Variants in MYO1D observed in about 807,000 individuals in gnomAD.
MYO1D encodes the protein unconventional myosin-Id.
Under a neutral mutation model 122.0 loss-of-function variants are expected in MYO1D, and 83 were observed. The observed-to-expected ratio is 0.68, with a 90% CI of 0.57 to 0.82. The LOEUF (loss-of-function observed/expected upper bound fraction) is 0.82, where lower values mean the gene tolerates loss of function less well. Among genes scored for constraint, MYO1D ranks in the 40% least tolerant of loss-of-function variants. MYO1D has a pLI of 0.00. For missense variants in MYO1D, 1,157 were observed against 1,269.5 expected (o/e 0.91, Z 1.35); for synonymous variants, 464 against 446.9 (o/e 1.04, Z -0.48).
In MYO1D at chr17:32,854,873, G is replaced by C. The variant is rs1016007695; in HGVS notation, c.95+21905C>G. Reference sequence around the variant, plus strand: ...GTTTCCTGGAATGAGGGAACTGGATGAATCTGCACGCTTTAACTGTGGTCC... The same window carrying C: ...GTTTCCTGGAATGAGGGAACTGGATCAATCTGCACGCTTTAACTGTGGTCC... On this transcript the variant is annotated intron_variant, in intron 1 of 21. Coordinates refer to ENST00000318217, the MANE Select transcript of MYO1D (RefSeq NM_015194.3). Among the ~76,000 whole-genome samples the C allele has an allele frequency of 6.6e-5, 10 of 152,220 alleles. 1 individual carries two copies. The highest frequency in any genetic ancestry group is 1.3e-4 in the Non-Finnish European group (9 of 68,034).
chr17:32,557,103 C>T (rs563075044), intron 21 of MYO1D, among the ~76,000 whole-genome samples: 4 of 149,674 alleles, frequency 2.7e-5, no homozygotes, highest in South Asian at 2.2e-4. Context: ...GCCTTTCACT[C>T]GGCAGGCTTA....
chr17:32,723,038 C>CA (rs775075853), intron 14 of MYO1D, among the ~76,000 whole-genome samples: 16 of 151,772 alleles, frequency 1.1e-4, no homozygotes, highest in East Asian at 1.9e-4. Flanking sequence ...GCTGATAAAA[C>CA]AAAAAAAACA....
At chr17:32,603,406 C>T (rs760922792) in intron 21 of MYO1D, among the ~76,000 whole-genome samples, 1 of 151,924 alleles carries the variant, frequency 6.6e-6, no homozygotes, top group Non-Finnish European at 1.5e-5. Context: ...AATTAAAATT[C>T]CTTTAATTTT....
intron 15 of MYO1D, among the ~76,000 whole-genome samples, chr17:32,713,679 G>C (rs556226520): frequency 2.6e-5 from 4 of 152,204 alleles, no homozygotes; most frequent in African/African-American, 9.6e-5. Flanking sequence ...CTATCTATGA[G>C]TGCAGTGGTG....
chr17:32,652,657 C>T (rs546539225), intron 19 of MYO1D, among the ~76,000 whole-genome samples: 136 of 152,000 alleles, frequency 8.9e-4, no homozygotes, highest in Non-Finnish European at 1.7e-3. Flanking sequence ...ACGTCCTTTG[C>T]CTTCCACTTC....
intron 21 of MYO1D, among the ~76,000 whole-genome samples, chr17:32,539,284 C>T (rs1011393275): frequency 2.1e-4 from 22 of 105,856 alleles, no homozygotes; most frequent in African/African-American, 9.7e-4. Context: ...TCTACACACA[C>T]ACACACACAC....
chr17:32,782,607 T>G (rs1232184517), intron 1 of MYO1D, among the ~76,000 whole-genome samples: 1 of 152,220 alleles, frequency 6.6e-6, no homozygotes, highest in African/African-American at 2.4e-5. Flanking sequence ...ACAACAATCC[T>G]TACACATGAG....
intron 21 of MYO1D, among the ~76,000 whole-genome samples, chr17:32,545,958 C>T (rs548010987): frequency 6.6e-6 from 1 of 152,126 alleles, no homozygotes; most frequent in South Asian, 2.1e-4. Flanking sequence ...CTGAGCTAAA[C>T]TCCTGTGATA....
intron 3 of MYO1D, among the ~76,000 whole-genome samples, chr17:32,777,272 T>C (rs1268877664): frequency 1.6e-4 from 24 of 152,158 alleles, no homozygotes; most frequent in Admixed American, 1.5e-3. Context: ...TGCAGCCCAA[T>C]ATGATGAAAA....
intron 21 of MYO1D, among the ~76,000 whole-genome samples, chr17:32,593,664 G>C (rs1053550221): frequency 6.6e-6 from 1 of 152,192 alleles, no homozygotes; most frequent in Non-Finnish European, 1.5e-5. Flanking sequence ...TTGGCTGGGC[G>C]TTGGGGCTCA....
Position 32,876,979 on chromosome 17 carries a change from C to A in MYO1D, c.-107G>T. The A allele has an allele frequency of 1.9e-6, 1 of 534,588 alleles. No individual in the cohort carries two copies. The highest frequency in any genetic ancestry group is 2.7e-6 in the Non-Finnish European group (1 of 368,248). 33.1% of individuals were successfully genotyped at this position (534,588 alleles called of 1,614,324 possible). On this transcript the variant is annotated 5_prime_UTR_variant, in exon 1 of 22. Coordinates refer to ENST00000318217, the MANE Select transcript of MYO1D (RefSeq NM_015194.3). ...GGGGCGAGGCCGCGCCGCGAGGCTA[C>A]GGGGAGGGGGCGCGCACGCCGCTCG...
Position 32,738,284 on chromosome 17 carries a change from A to G in MYO1D, c.1715T>C (p.Met572Thr). The G allele has an allele frequency of 6.2e-7, 1 of 1,609,652 alleles. No homozygotes were observed. Among genetic ancestry groups the G allele is most frequent in the South Asian group, 1.1e-5 (1 of 89,516 alleles). Residue 572 changes from methionine to threonine, a missense_variant, in exon 14 of 22, where the codon ATG (methionine) becomes ACG (threonine). Transcript: ENST00000318217. ...TGCAAGGTTGTCTACTAGAGCAATC[A>G]TAGAATTCTTAAACAAGGTAGCAGC... is the stretch of plus-strand genomic sequence containing the variant. ...LTAATLFKNS[M>T]IALVDNLASK...
At chr17:32,805,672 G>GAA (rs35193076) in intron 1 of MYO1D, among the ~76,000 whole-genome samples, 72 of 149,350 alleles carry the variant, frequency 4.8e-4, no homozygotes, top group South Asian at 8.4e-4. Flanking sequence ...ATAATTCTCT[G>GAA]AAAAAAAAAA....
intron 21 of MYO1D, among the ~76,000 whole-genome samples, chr17:32,522,514 T>C (rs1205249332): frequency 6.6e-6 from 1 of 152,162 alleles, no homozygotes; most frequent in Non-Finnish European, 1.5e-5. Flanking sequence ...TAGGAAGACA[T>C]GATGCACTGT....
chr17:32,497,725 TC>T (rs1479550610), intron 21 of MYO1D: 2 of 152,286 alleles, frequency 1.3e-5, no homozygotes, highest in African/African-American at 4.8e-5. Context: ...TCAACAGTGC[TC>T]CCACTGCCGG....
intron 1 of MYO1D, among the ~76,000 whole-genome samples, chr17:32,867,516 G>T (rs2091137570): frequency 6.6e-6 from 1 of 151,902 alleles, no homozygotes; most frequent in Admixed American, 6.6e-5. Context: ...CAAGTAGTTG[G>T]CCGGGTACAG....
intron 21 of MYO1D, among the ~76,000 whole-genome samples, chr17:32,545,310 A>C (rs2086957044): frequency 6.6e-6 from 1 of 152,240 alleles, no homozygotes; most frequent in South Asian, 2.1e-4. Context: ...GGGGTTATAC[A>C]GGGTAAGTGA....
chr17:32,662,854 G>A (rs1383699982), intron 16 of MYO1D, among the ~76,000 whole-genome samples: 3 of 151,910 alleles, frequency 2.0e-5, no homozygotes, highest in Non-Finnish European at 4.4e-5. Flanking sequence ...ATAAGCATAG[G>A]CTGTTATGAC....
At chr17:32,875,377 A>T (rs1232159205) in intron 1 of MYO1D, among the ~76,000 whole-genome samples, 1 of 152,220 alleles carries the variant, frequency 6.6e-6, no homozygotes, top group African/African-American at 2.4e-5. Context: ...GCCAGGCACT[A>T]ATCTTTGAAG....
Sources: gnomAD v4.1 joint callset for allele counts (sites outside exome capture counted in the v4.1 genomes callset) on GRCh38, gnomAD v4.1.1 for gene constraint, MANE v1.5 for transcripts, NCBI Gene and HGNC (gene_info 2026-07-23, HGNC 2026-07-21) for gene names.